Variants in PDZRN3 observed in about 807,000 individuals in gnomAD.
PDZRN3 encodes the protein E3 ubiquitin-protein ligase PDZRN3.
In PDZRN3, 38 loss-of-function variants were observed where a neutral mutation model predicts 85.7. The observed-to-expected ratio is 0.44, with a 90% CI of 0.34 to 0.58. The LOEUF (loss-of-function observed/expected upper bound fraction) is 0.58. PDZRN3 is among the 20% of genes least tolerant of loss of function. The pLI, the probability that PDZRN3 is intolerant of heterozygous loss-of-function variation, is 0.01. For missense variants in PDZRN3, 1,629 were observed against 1,506.4 expected (o/e 1.08, Z -1.35); for synonymous variants, 759 against 638.0 (o/e 1.19, Z -2.86).
chr3:73,400,498 C>T (rs559330235), intron 5 of PDZRN3, among the ~76,000 whole-genome samples: 19 of 152,266 alleles, frequency 1.2e-4, no homozygotes, highest in African/African-American at 4.6e-4. Flanking sequence ...TGAACAAACC[C>T]TTTTGTTAGG....
At chr3:73,433,928 G>GCACA in intron 3 of PDZRN3, 1 of 1,400,084 alleles carries the variant, frequency 7.1e-7, no homozygotes. Context: ...GCACGCGCGT[G>GCACA]CACACACACA....
At chr3:73,407,617 C>T (rs1218538937) in intron 3 of PDZRN3, among the ~76,000 whole-genome samples, 2 of 152,118 alleles carry the variant, frequency 1.3e-5, no homozygotes, top group Non-Finnish European at 2.9e-5. Context: ...GAAAATCCTT[C>T]TCTGATTAGG....
chr3:73,507,739 T>C (rs1334283134), intron 3 of PDZRN3, among the ~76,000 whole-genome samples: 1 of 151,928 alleles, frequency 6.6e-6, no homozygotes, highest in Non-Finnish European at 1.5e-5. Context: ...GATCTAAAAC[T>C]GCATACTAAA....
At chr3:73,598,300 A>G (rs1702460547) in intron 3 of PDZRN3, among the ~76,000 whole-genome samples, 1 of 152,234 alleles carries the variant, frequency 6.6e-6, no homozygotes, top group African/African-American at 2.4e-5. Flanking sequence ...TTCAGACAGT[A>G]GGTTCAGAGG....
In PDZRN3 at chr3:73,459,111, G is replaced by C. The variant is rs543691032; in HGVS notation, c.919-54716C>G. Among the ~76,000 whole-genome samples, 12 of 152,280 alleles carry C rather than the reference G, an allele frequency of 7.9e-5. No individual in the cohort carries two copies. In the South Asian group the frequency reaches 2.5e-3, roughly 32 times the overall value. On this transcript the variant is annotated intron_variant, in intron 3 of 9. Coordinates refer to ENST00000263666, the MANE Select transcript of PDZRN3 (RefSeq NM_015009.3). ...TCACGGCGGAAGGCACCTCTTCACA[G>C]GGCGGCAGAAGAGAGAATGAGTGCC...
At chr3:73,444,002 C>T (rs1008418765) in intron 3 of PDZRN3, among the ~76,000 whole-genome samples, 5 of 152,096 alleles carry the variant, frequency 3.3e-5, no homozygotes, top group Admixed American at 1.3e-4. Context: ...CTGGAACGAA[C>T]GCGCAATTGG....
At chr3:73,519,587 A>C (rs1223497415) in intron 3 of PDZRN3, among the ~76,000 whole-genome samples, 1 of 152,178 alleles carries the variant, frequency 6.6e-6, no homozygotes, top group East Asian at 1.9e-4. Context: ...TAAAATGGAG[A>C]TACCCCCAGC....
intron 3 of PDZRN3, among the ~76,000 whole-genome samples, chr3:73,532,664 C>G (rs1452038072): frequency 1.3e-5 from 2 of 152,318 alleles, no homozygotes; most frequent in East Asian, 1.9e-4. Flanking sequence ...GATCTACCTG[C>G]TTTCCACTAA....
Position 73,579,244 on chromosome 3 carries a change from T to C in PDZRN3, c.918+23110A>G, listed in dbSNP as rs1180933970. On this transcript the variant is annotated intron_variant, in intron 3 of 9. Coordinates refer to ENST00000263666, the MANE Select transcript of PDZRN3 (RefSeq NM_015009.3). ...CATCTTTGATGCAGACAGCCTTTAC[T>C]AAACAATGAATATGTCAGCACCTTG... 2.6e-5 allele frequency among the ~76,000 whole-genome samples: 4 copies of C among 152,308 alleles called. No homozygotes were observed. The East Asian group carries it at 7.7e-4, about 29-fold the overall frequency.
Position 73,387,116 on chromosome 3 carries a change from T to C in PDZRN3, c.1518+852A>G, listed in dbSNP as rs139522995. ...CTGCTGCCACGTAAGACGTGCCTTT[T>C]GCCTTCCACCATGATTGTGAGGCCT... On this transcript the variant is annotated intron_variant, in intron 8 of 9. Coordinates refer to ENST00000263666, the MANE Select transcript of PDZRN3 (RefSeq NM_015009.3). 6.1e-3 allele frequency among the ~76,000 whole-genome samples: 936 copies of C among 152,332 alleles called. 10 individuals are homozygous for C. Among genetic ancestry groups the C allele is most frequent in the Non-Finnish European group, 6.2e-3 (423 of 68,026 alleles).
At chr3:73,449,030 T>C (rs1702806556) in intron 3 of PDZRN3, among the ~76,000 whole-genome samples, 1 of 152,234 alleles carries the variant, frequency 6.6e-6, no homozygotes, top group Non-Finnish European at 1.5e-5. Flanking sequence ...TATGTTTCTT[T>C]GAGTTTCATT....
At chr3:73,495,131 A>G (rs903720841) in intron 3 of PDZRN3, among the ~76,000 whole-genome samples, 1 of 152,214 alleles carries the variant, frequency 6.6e-6, no homozygotes, top group African/African-American at 2.4e-5. Flanking sequence ...CAATATGCCC[A>G]TGTAACAATC....
At chr3:73,519,563 A>C (rs1221012254) in intron 3 of PDZRN3, among the ~76,000 whole-genome samples, 2 of 152,206 alleles carry the variant, frequency 1.3e-5, no homozygotes, top group Non-Finnish European at 2.9e-5. Flanking sequence ...AAGTGGGATC[A>C]TTAATTGTTT....
At chr3:73,418,257 G>A (rs1702131318) in intron 3 of PDZRN3, among the ~76,000 whole-genome samples, 1 of 152,136 alleles carries the variant, frequency 6.6e-6, no homozygotes, top group Non-Finnish European at 1.5e-5. Context: ...CAGAACACCT[G>A]ACTTATACAT....
chr3:73,470,796 A>G (rs1368790424), intron 3 of PDZRN3, among the ~76,000 whole-genome samples: 1 of 152,100 alleles, frequency 6.6e-6, no homozygotes, highest in African/African-American at 2.4e-5. Flanking sequence ...ATTCCGACCA[A>G]CTAGTCCCAA....
intron 3 of PDZRN3, among the ~76,000 whole-genome samples, chr3:73,487,729 C>G (rs1200217445): frequency 6.6e-6 from 1 of 152,200 alleles, no homozygotes; most frequent in East Asian, 1.9e-4. Flanking sequence ...CTTATGTAAG[C>G]TGAATAATTC....
At chr3:73,519,986 G>A (rs1048977646) in intron 3 of PDZRN3, among the ~76,000 whole-genome samples, 11 of 152,238 alleles carry the variant, frequency 7.2e-5, no homozygotes, top group Admixed American at 2.6e-4. Context: ...TGAGAATGGC[G>A]TTCCTTGGGG....
At chr3:73,620,235 G>A (rs560096517) in intron 1 of PDZRN3, among the ~76,000 whole-genome samples, 143 of 152,328 alleles carry the variant, frequency 9.4e-4, no homozygotes, top group African/African-American at 3.2e-3. Context: ...TATTTAGGAG[G>A]TAAAATCCGC....
chr3:73,406,209 C>T (rs1701851987), intron 3 of PDZRN3, among the ~76,000 whole-genome samples: 1 of 152,188 alleles, frequency 6.6e-6, no homozygotes, highest in Non-Finnish European at 1.5e-5. Flanking sequence ...CAGGGTTTAA[C>T]ACTACGACTG....
Sources: gnomAD v4.1 joint callset for allele counts (sites outside exome capture counted in the v4.1 genomes callset) on GRCh38, gnomAD v4.1.1 for gene constraint, MANE v1.5 for transcripts, NCBI Gene and HGNC (gene_info 2026-07-23, HGNC 2026-07-21) for gene names.